The following GALNT17 variants were observed in gnomAD, a reference collection of about 807,000 sequenced individuals.
GALNT17 encodes the protein UDP-GalNAc:polypeptide N-acetylgalactosaminyltransferase-like 3.
Under a neutral mutation model 63.7 loss-of-function variants are expected in GALNT17, and 29 were observed. The observed-to-expected ratio is 0.46, with a 90% CI of 0.34 to 0.62. GALNT17 has a LOEUF of 0.62. GALNT17 is among the 20% of genes least tolerant of loss of function. GALNT17 has a pLI of 0.01. For synonymous variants in GALNT17, 305 were observed against 318.3 expected (o/e 0.96, Z 0.45); for missense variants, 603 against 799.6 (o/e 0.75, Z 2.97).
intron 1 of GALNT17, among the ~76,000 whole-genome samples, chr7:71,248,780 C>G (rs900008347): frequency 6.6e-6 from 1 of 152,152 alleles, no homozygotes; most frequent in Non-Finnish European, 1.5e-5. Context: ...TCGGTCTTCC[C>G]CACCCACCTA....
intron 1 of GALNT17, among the ~76,000 whole-genome samples, chr7:71,196,739 T>A (rs1789056681): frequency 6.6e-6 from 1 of 152,062 alleles, no homozygotes; most frequent in Non-Finnish European, 1.5e-5. Flanking sequence ...CTGCAACCTC[T>A]GCTTCCCAGG....
At chr7:71,644,527 C>CAAAAAA (rs58497593) in intron 6 of GALNT17, among the ~76,000 whole-genome samples, 9 of 23,606 alleles carry the variant, frequency 3.8e-4, no homozygotes, top group Non-Finnish European at 5.6e-4. Flanking sequence ...GACTCCATCT[C>CAAAAAA]AAAAAAAAAA....
chr7:71,623,726 G>A (rs989642695), intron 6 of GALNT17, among the ~76,000 whole-genome samples: 10 of 152,162 alleles, frequency 6.6e-5, no homozygotes, highest in South Asian at 2.1e-4. Flanking sequence ...GTGAGCCACC[G>A]TGCGTGGCCT....
At chr7:71,333,371 A>T (rs1466962368) in intron 1 of GALNT17, among the ~76,000 whole-genome samples, 2 of 152,088 alleles carry the variant, frequency 1.3e-5, no homozygotes, top group Non-Finnish European at 2.9e-5. Flanking sequence ...TGGTCTGGAG[A>T]TACTATATTT....
intron 5 of GALNT17, among the ~76,000 whole-genome samples, chr7:71,440,446 C>T (rs932489289): frequency 6.7e-6 from 1 of 149,958 alleles, no homozygotes; most frequent in East Asian, 2.0e-4. Flanking sequence ...ACGATCTCAG[C>T]TCACTGCGAC....
chr7:71,389,717 C>G (rs1339313264), intron 3 of GALNT17, among the ~76,000 whole-genome samples: 1 of 152,092 alleles, frequency 6.6e-6, no homozygotes, highest in Non-Finnish European at 1.5e-5. Flanking sequence ...CTTTGTTGTC[C>G]TTCTCCAAAA....
chr7:71,422,823 A>G (rs1291264842), intron 5 of GALNT17, among the ~76,000 whole-genome samples: 1 of 152,182 alleles, frequency 6.6e-6, no homozygotes, highest in Non-Finnish European at 1.5e-5. Context: ...GAAAAACCAG[A>G]TCACATGTGG....
At chr7:71,673,129 G>A (rs572814204) in intron 8 of GALNT17, among the ~76,000 whole-genome samples, 1 of 152,120 alleles carries the variant, frequency 6.6e-6, no homozygotes, top group South Asian at 2.1e-4. Flanking sequence ...CTTTTAAAAA[G>A]CAATTTGAGC....
chr7:71,419,006 G>C (rs1036223016), intron 4 of GALNT17, among the ~76,000 whole-genome samples: 1 of 152,124 alleles, frequency 6.6e-6, no homozygotes, highest in Non-Finnish European at 1.5e-5. Flanking sequence ...GCTTGAACCT[G>C]GGAGGCGGAA....
At chr7:71,405,170 C>T (rs1793307014) in intron 3 of GALNT17, among the ~76,000 whole-genome samples, 2 of 152,208 alleles carry the variant, frequency 1.3e-5, no homozygotes, top group Non-Finnish European at 2.9e-5. Flanking sequence ...GGCCAGGCCA[C>T]AGCAGCTTTG....
intron 5 of GALNT17, among the ~76,000 whole-genome samples, chr7:71,531,492 A>G (rs1168806134): frequency 6.6e-6 from 1 of 152,224 alleles, no homozygotes; most frequent in Non-Finnish European, 1.5e-5. Context: ...AGTAGTAACA[A>G]TAGTGAAAAC....
At chr7:71,287,567 C>T (rs1486016020) in intron 1 of GALNT17, among the ~76,000 whole-genome samples, 1 of 152,192 alleles carries the variant, frequency 6.6e-6, no homozygotes, top group African/African-American at 2.4e-5. Context: ...GGGTTAGAGG[C>T]ACTGACCTTA....
rs1045368911 is a variant in GALNT17, at chr7:71,408,110, G to A, written c.590-7779G>A. Among the ~76,000 whole-genome samples the A allele has an allele frequency of 3.9e-5, 6 of 152,094 alleles. No individual in the cohort carries two copies. In the South Asian group the frequency reaches 1.0e-3, roughly 26 times the overall value. Reference sequence around the variant, plus strand: ...GAACCAGTGCTTTTGAGATGTTTGGGGTTTGCGTGAGAACGACCTGGGGGT... The same window carrying A: ...GAACCAGTGCTTTTGAGATGTTTGGAGTTTGCGTGAGAACGACCTGGGGGT... On this transcript the variant is annotated intron_variant, in intron 3 of 10. Coordinates refer to ENST00000333538, the MANE Select transcript of GALNT17 (RefSeq NM_022479.3).
chr7:71,260,628 A>T (rs1334091497), intron 1 of GALNT17, among the ~76,000 whole-genome samples: 3 of 148,482 alleles, frequency 2.0e-5, no homozygotes, highest in Non-Finnish European at 3.0e-5. Context: ...TTTTTGAGAC[A>T]GTCTTGCTCT....
intron 1 of GALNT17, among the ~76,000 whole-genome samples, chr7:71,292,044 AT>A: frequency 6.6e-6 from 1 of 152,316 alleles, no homozygotes; most frequent in Non-Finnish European, 1.5e-5. Flanking sequence ...TAACTCTGTT[AT>A]GGATTATTTA....
At chr7:71,600,396 A>AC (rs1789949211) in intron 6 of GALNT17, among the ~76,000 whole-genome samples, 1 of 103,176 alleles carries the variant, frequency 9.7e-6, no homozygotes. Flanking sequence ...CAGAGGGTAC[A>AC]TTGGGAGGAT....
intron 1 of GALNT17, among the ~76,000 whole-genome samples, chr7:71,271,816 G>C (rs532496566): frequency 6.6e-6 from 1 of 152,314 alleles, no homozygotes; most frequent in South Asian, 2.1e-4. Context: ...CTGGAGTGCA[G>C]TGGCACGATC....
intron 6 of GALNT17, among the ~76,000 whole-genome samples, chr7:71,634,706 A>G (rs1790503615): frequency 6.7e-6 from 1 of 150,072 alleles, no homozygotes; most frequent in African/African-American, 2.5e-5. Context: ...GTGAGCCGAG[A>G]TGGTACTACT....
intron 5 of GALNT17, among the ~76,000 whole-genome samples, chr7:71,548,983 A>C (rs1789030831): frequency 6.6e-6 from 1 of 152,142 alleles, no homozygotes; most frequent in South Asian, 2.1e-4. Context: ...GTGTGGGAGA[A>C]ACAGCTTTGC....
Sources: allele counts gnomAD v4.1 joint callset (sites outside exome capture counted in the v4.1 genomes callset), GRCh38; gene constraint gnomAD v4.1.1; transcripts MANE v1.5; gene names NCBI Gene and HGNC (gene_info 2026-07-23, HGNC 2026-07-21).